ARID1B: variants seen among roughly 807,000 people sequenced by gnomAD.
ARID1B encodes the protein AT-rich interactive domain-containing protein 1B.
Under a neutral mutation model 212.3 loss-of-function variants are expected in ARID1B, and 30 were observed. That is an observed-to-expected ratio of 0.14 (90% CI 0.11 to 0.19). The LOEUF (loss-of-function observed/expected upper bound fraction) is 0.19, where lower values mean the gene tolerates loss of function less well. Among genes scored for constraint, ARID1B ranks in the 10% least tolerant of loss-of-function variants. The pLI is 1.00. For missense variants in ARID1B, 2,891 were observed against 3,204.0 expected, an observed-to-expected ratio of 0.90 and a Z score of 2.36; for synonymous variants, 1,402 against 1,301.7, an observed-to-expected ratio of 1.08 and a Z score of -1.66.
chr6:156,988,422 C>T (rs1319429938), intron 4 of ARID1B, among the ~76,000 whole-genome samples: 1 of 152,060 alleles, frequency 6.6e-6, no homozygotes, highest in African/African-American at 2.4e-5. Context: ...TCAGGGGATT[C>T]GCTGCAAACC....
chr6:157,087,405 A>C (rs190902441), intron 5 of ARID1B, among the ~76,000 whole-genome samples: 4 of 152,334 alleles, frequency 2.6e-5, no homozygotes, highest in South Asian at 2.1e-4. Context: ...TATAACCTTG[A>C]AGAAGCTTCT....
At chr6:156,937,898 C>T (rs1792380989) in intron 4 of ARID1B, 1 of 151,712 alleles carries the variant, frequency 6.6e-6, no homozygotes, top group Non-Finnish European at 1.5e-5. Flanking sequence ...ATTTTCTTTC[C>T]GTTTTTGTAA....
At chr6:156,875,402 T>C (rs1448371212) in intron 2 of ARID1B, among the ~76,000 whole-genome samples, 1 of 152,286 alleles carries the variant, frequency 6.6e-6, no homozygotes, top group Non-Finnish European at 1.5e-5. Context: ...CTTAAAAATG[T>C]ATGGAACACT....
chr6:157,185,443 G>A (rs1293560221), intron 13 of ARID1B: 4 of 152,266 alleles, frequency 2.6e-5, no homozygotes, highest in Admixed American at 1.3e-4. Flanking sequence ...TGTTTCCTGA[G>A]CACTTCCAGT....
chr6:157,126,435 A>AT (rs944350569), intron 6 of ARID1B, among the ~76,000 whole-genome samples: 1 of 151,010 alleles, frequency 6.6e-6, no homozygotes, highest in South Asian at 2.1e-4. Flanking sequence ...CTTTTGCTTG[A>AT]TTTTTTTTTC....
At chr6:156,814,062 G>T (rs1019328318) in intron 1 of ARID1B, among the ~76,000 whole-genome samples, 2 of 152,180 alleles carry the variant, frequency 1.3e-5, no homozygotes, top group African/African-American at 4.8e-5. Context: ...AATTTACAAG[G>T]TGATGTTTAT....
At chr6:157,073,145 C>T (rs1200081408) in intron 4 of ARID1B, among the ~76,000 whole-genome samples, 1 of 144,180 alleles carries the variant, frequency 6.9e-6, no homozygotes, top group Non-Finnish European at 1.5e-5. Context: ...CTCTGTCGCT[C>T]TGGCTGGAGT....
At chr6:157,087,556 C>T (rs1372482299) in intron 5 of ARID1B, among the ~76,000 whole-genome samples, 2 of 152,174 alleles carry the variant, frequency 1.3e-5, no homozygotes, top group Admixed American at 6.5e-5. Context: ...TACGATGTTA[C>T]GTTCACCATT....
intron 4 of ARID1B, among the ~76,000 whole-genome samples, chr6:156,947,358 C>T (rs1218306941): frequency 2.6e-5 from 4 of 152,050 alleles, no homozygotes; most frequent in Non-Finnish European, 5.9e-5. Context: ...TTATTAATTC[C>T]TCCTTCTCTG....
chr6:157,040,149 AG>A (rs1781781733), intron 4 of ARID1B, among the ~76,000 whole-genome samples: 1 of 152,180 alleles, frequency 6.6e-6, no homozygotes, highest in South Asian at 2.1e-4. Context: ...CATGTTGGCC[AG>A]GATGGTCTCG....
At chr6:156,786,223 T>G (rs978325905) in intron 1 of ARID1B, among the ~76,000 whole-genome samples, 3 of 152,116 alleles carry the variant, frequency 2.0e-5, no homozygotes, top group African/African-American at 7.2e-5. Flanking sequence ...GTGTTTGAAG[T>G]TTCTGGGCAT....
chr6:156,858,142 A>G (rs9397975), intron 2 of ARID1B, among the ~76,000 whole-genome samples: 3 of 152,126 alleles, frequency 2.0e-5, no homozygotes, highest in East Asian at 1.9e-4. Flanking sequence ...CAAATAATGC[A>G]TGTTCTCCCT....
At chr6:157,134,535 A>G (rs1412714577) in intron 7 of ARID1B, among the ~76,000 whole-genome samples, 1 of 152,212 alleles carries the variant, frequency 6.6e-6, no homozygotes, top group Non-Finnish European at 1.5e-5. Flanking sequence ...TTTATATCAC[A>G]TCATCAAGAG....
intron 4 of ARID1B, among the ~76,000 whole-genome samples, chr6:156,969,892 CTTT>C (rs201337033): frequency 0.4 from 53,536 of 134,374 alleles, 8,958 homozygotes; most frequent in South Asian, 0.43. Flanking sequence ...TTATATAATG[CTTT>C]TTTTTTTTTT....
At position 157,174,403 on chromosome 6, in the gene ARID1B, C is replaced by A. The variant is rs562924318; in HGVS notation, c.3345+286C>A. 8.1e-5 allele frequency: 24 copies of A among 295,170 alleles called. No homozygotes were observed. The East Asian group carries it at 1.4e-3, about 17-fold the overall frequency. 18.3% of individuals were successfully genotyped at this position (295,170 alleles called of 1,614,324 possible). A position where few individuals can be genotyped will look rare whatever the true frequency, so the allele number is the denominator to read the frequency against. The stretch of plus-strand genomic sequence containing the variant: ...TTCGGGGTGGGGAGAAGTAGGGGTC[C>A]TGCCTGGTTTCGGTACTTGCAGCCA... On this transcript the variant is annotated intron_variant, in intron 10 of 19. Coordinates refer to ENST00000636930, the MANE Select transcript of ARID1B (RefSeq NM_001374828.1).
chr6:156,902,529 C>T (rs189968970), intron 3 of ARID1B, among the ~76,000 whole-genome samples: 40 of 151,634 alleles, frequency 2.6e-4, no homozygotes, highest in African/African-American at 8.7e-4. Flanking sequence ...TGTTGGAGTC[C>T]CTTTCCGTAT....
rs1793915354 is a variant in ARID1B at position 156,955,719 on chromosome 6, G to A, written c.2247+20143G>A. On this transcript the variant is annotated intron_variant, in intron 4 of 19. Coordinates refer to ENST00000636930, the MANE Select transcript of ARID1B (RefSeq NM_001374828.1). This position sits in a 1 kb window ranked among gnomAD's most constrained non-coding sequence, Gnocchi z 4.2. The stretch of plus-strand genomic sequence containing the variant: ...ATCAAGAAAAGGTAGGAGAACCTAT[G>A]CCCATCTCCAGAAGGGCCCTAGAAA... Among the ~76,000 whole-genome samples, 1 of 152,136 alleles carries A rather than the reference G, an allele frequency of 6.6e-6. No homozygotes were observed. The highest frequency in any genetic ancestry group is 1.5e-5 in the Non-Finnish European group (1 of 68,036).
intron 12 of ARID1B, among the ~76,000 whole-genome samples, chr6:157,182,336 G>A (rs1291284624): frequency 1.3e-5 from 2 of 152,208 alleles, no homozygotes; most frequent in African/African-American, 4.8e-5. Context: ...AGGTCTGTCT[G>A]ACTCCAGACA....
chr6:156,777,204 C>CGCCCCGGCCCCG (rs549289449), upstream of ARID1B: 7 of 151,238 alleles, frequency 4.6e-5, no homozygotes, highest in East Asian at 5.9e-4. Flanking sequence ...GCCGCCGAGC[C>CGCCCCGGCCCCG]GCCCCGGCCC....
Sources: allele counts gnomAD v4.1 joint callset (sites outside exome capture counted in the v4.1 genomes callset), GRCh38; gene constraint gnomAD v4.1.1; non-coding constraint Gnocchi (gnomAD v3.1); transcripts MANE v1.5; gene names NCBI Gene and HGNC (gene_info 2026-07-23, HGNC 2026-07-21).